The following MEF2C variants were observed in gnomAD, a reference collection of about 807,000 sequenced individuals.
The protein encoded by MEF2C is myocyte enhancer factor 2C, also known as myocyte-specific enhancer factor 2C.
A neutral mutation model predicts 50.5 loss-of-function variants in MEF2C; 6 were observed. That is an observed-to-expected ratio of 0.12 (90% confidence interval 0.07 to 0.23). The LOEUF (loss-of-function observed/expected upper bound fraction) is 0.23. MEF2C is among the 10% of genes least tolerant of loss of function. MEF2C has a pLI of 1.00. For synonymous variants in MEF2C, 183 were observed against 228.0 expected, an observed-to-expected ratio of 0.80 and a Z score of 1.78; for missense variants, 276 against 605.0, an observed-to-expected ratio of 0.46 and a Z score of 5.70.
At chr5:88,743,135 T>C in intron 6 of MEF2C, 3 of 931,446 alleles carry the variant, frequency 3.2e-6, no homozygotes, top group Non-Finnish European at 3.8e-6. Flanking sequence ...TGCTTAATAA[T>C]ATTTTAAAAA....
At chr5:88,727,435 G>C (rs1161674034) in intron 10 of MEF2C, among the ~76,000 whole-genome samples, 2 of 152,092 alleles carry the variant, frequency 1.3e-5, no homozygotes, top group African/African-American at 4.8e-5. Context: ...TCATGTGAAA[G>C]CTAGTGGGTG....
At chr5:88,804,566 A>G (rs1032024036) in intron 3 of MEF2C, 32 bp downstream of exon 3, 13 of 1,607,868 alleles carry the variant, frequency 8.1e-6, no homozygotes, top group Non-Finnish European at 9.4e-6. Context: ...CTGCTTGCGG[A>G]GGCTTGGGGC....
chr5:88,724,642 A>C (rs901432872), intron 10 of MEF2C, among the ~76,000 whole-genome samples: 1 of 152,112 alleles, frequency 6.6e-6, no homozygotes, highest in Admixed American at 6.5e-5. Context: ...TTTATAGTCT[A>C]TCAGTTTACT....
chr5:88,865,015 G>A (rs1010052059), intron 1 of MEF2C, among the ~76,000 whole-genome samples: 1 of 151,952 alleles, frequency 6.6e-6, no homozygotes, highest in Admixed American at 6.6e-5. Flanking sequence ...TGATCCACCT[G>A]CCTCCGAAAG....
chr5:88,741,340 A>T (rs1301685038), intron 6 of MEF2C: 2 of 984,062 alleles, frequency 2.0e-6, no homozygotes, highest in African/African-American at 3.5e-5. Flanking sequence ...TGCATCAGTT[A>T]TCTCATTTAA....
At chr5:88,746,435 C>G (rs1581660736) in intron 6 of MEF2C, 1 of 743,746 alleles carries the variant, frequency 1.3e-6, no homozygotes, top group Admixed American at 8.1e-5. Flanking sequence ...CTCTCCCTCC[C>G]TCTCACTTTT....
rs185635696 is a variant in MEF2C, at chr5:88,898,612, A to G, written c.-240+5304T>C. ...CAGTAATCACCTCCATCTGCCAAGC[A>G]GTCATAAAGGGCCTGCACATCTTTG... On this transcript the variant is annotated intron_variant, in intron 1 of 11. Transcript: ENST00000340208. Among the ~76,000 whole-genome samples, 14 of 152,282 alleles carry G rather than the reference A, an allele frequency of 9.2e-5. No individual in the cohort carries two copies. In the East Asian group the frequency reaches 2.7e-3, roughly 29 times the overall value.
intron 1 of MEF2C, among the ~76,000 whole-genome samples, chr5:88,840,666 C>A (rs1216690084): frequency 6.6e-6 from 1 of 152,038 alleles, no homozygotes; most frequent in African/African-American, 2.4e-5. Flanking sequence ...GACTTCTGAC[C>A]ACTTCTCTAG....
chr5:88,835,453 A>C (rs1199604840), intron 1 of MEF2C, among the ~76,000 whole-genome samples: 1 of 152,170 alleles, frequency 6.6e-6, no homozygotes, highest in Non-Finnish European at 1.5e-5. Flanking sequence ...CCAACAGATT[A>C]ATTTCCAACT....
At chr5:88,826,465 G>A (rs1810896974) in intron 1 of MEF2C, among the ~76,000 whole-genome samples, 1 of 151,956 alleles carries the variant, frequency 6.6e-6, no homozygotes, top group South Asian at 2.1e-4. Flanking sequence ...TGGTCATGAA[G>A]TAAAGTCTAT....
chr5:88,866,278 T>C (rs868136854), intron 1 of MEF2C, among the ~76,000 whole-genome samples: 77 of 152,340 alleles, frequency 5.1e-4, no homozygotes, highest in African/African-American at 1.7e-3. Context: ...CAAACAAGCA[T>C]TTCATTCTCT....
At chr5:88,743,561 A>G (rs1303820525) in intron 6 of MEF2C, 1 of 979,200 alleles carries the variant, frequency 1.0e-6, no homozygotes, top group Non-Finnish European at 1.2e-6. Context: ...TTATGATTAT[A>G]TTATCATAAA....
intron 2 of MEF2C, among the ~76,000 whole-genome samples, chr5:88,816,106 C>T (rs1805211219): frequency 6.6e-6 from 1 of 151,958 alleles, no homozygotes; most frequent in African/African-American, 2.4e-5. Flanking sequence ...AATAAAAACC[C>T]TTGAGGCCCT....
intron 1 of MEF2C, among the ~76,000 whole-genome samples, chr5:88,846,293 C>T (rs2153361196): frequency 1.3e-5 from 2 of 152,230 alleles, no homozygotes; most frequent in African/African-American, 4.8e-5. Flanking sequence ...GTCTTGAAGT[C>T]CTGACCTCAG....
chr5:88,863,475 A>C (rs1826169464), intron 1 of MEF2C, among the ~76,000 whole-genome samples: 1 of 152,262 alleles, frequency 6.6e-6, no homozygotes, highest in Non-Finnish European at 1.5e-5. Context: ...AAACTGTAAG[A>C]ATGCATGGAT....
chr5:88,828,834 T>G (rs988980972), intron 1 of MEF2C, among the ~76,000 whole-genome samples: 6 of 152,052 alleles, frequency 3.9e-5, no homozygotes, highest in African/African-American at 1.2e-4. Flanking sequence ...TTACTACTCC[T>G]ATTGATGCTC....
intron 3 of MEF2C, chr5:88,768,812 T>C (rs1781123425): frequency 2.4e-6 from 1 of 408,918 alleles, no homozygotes; most frequent in Non-Finnish European, 3.3e-6. Flanking sequence ...TATTCCCTCT[T>C]AATAACTCCC....
intron 1 of MEF2C, among the ~76,000 whole-genome samples, chr5:88,831,526 C>G (rs1237069900): frequency 1.3e-5 from 2 of 151,636 alleles, no homozygotes; most frequent in Non-Finnish European, 2.9e-5. Flanking sequence ...GAAGAAATAC[C>G]ATTGTCCCCC....
chr5:88,776,538 C>T (rs1021459414), intron 3 of MEF2C, among the ~76,000 whole-genome samples: 5 of 152,042 alleles, frequency 3.3e-5, no homozygotes, highest in African/African-American at 9.7e-5. Flanking sequence ...CTTCCGGCCT[C>T]CAGTAACCGT....
Sources: allele counts gnomAD v4.1 joint callset (sites outside exome capture counted in the v4.1 genomes callset), GRCh38; gene constraint gnomAD v4.1.1; transcripts MANE v1.5; gene names NCBI Gene and HGNC (gene_info 2026-07-23, HGNC 2026-07-21).